The following MRAP2 variants were observed in gnomAD, a reference collection of about 807,000 sequenced individuals.
MRAP2 encodes the protein melanocortin-2 receptor accessory protein 2.
In MRAP2, 20 loss-of-function variants were observed where a neutral mutation model predicts 17.4. The observed-to-expected ratio is 1.15, with a 90% CI of 0.81 to 1.67. MRAP2 has a LOEUF of 1.67. Among genes scored for constraint, MRAP2 ranks in the 40% most tolerant of loss-of-function variants. MRAP2 has a pLI of 0.00. For synonymous variants in MRAP2, 96 were observed against 88.4 expected (o/e 1.09, Z -0.48); for missense variants, 238 against 240.0 (o/e 0.99, Z 0.05).
upstream of MRAP2, among the ~76,000 whole-genome samples, chr6:84,033,428 A>T (rs937384725): frequency 6.6e-6 from 1 of 152,152 alleles, no homozygotes; most frequent in African/African-American, 2.4e-5. Context: ...CTTGAACTCA[A>T]TGCTGCCGAT....
chr6:84,064,197 A>T (rs886279945), intron 3 of MRAP2, among the ~76,000 whole-genome samples: 1 of 151,084 alleles, frequency 6.6e-6, no homozygotes, highest in African/African-American at 2.4e-5. Context: ...GGGTGGGGCC[A>T]CAGCTGGAAC....
intron 3 of MRAP2, among the ~76,000 whole-genome samples, chr6:84,067,645 A>G (rs1401426415): frequency 6.7e-6 from 1 of 149,528 alleles, no homozygotes; most frequent in Non-Finnish European, 1.5e-5. Context: ...GATGTTAAGC[A>G]TTTTTTCATA....
At chr6:84,079,336 A>G (rs1211119418) in intron 3 of MRAP2, among the ~76,000 whole-genome samples, 1 of 152,226 alleles carries the variant, frequency 6.6e-6, no homozygotes, top group African/African-American at 2.4e-5. Context: ...TATAAATTTC[A>G]AGAACAGGCT....
At chr6:84,052,750 AT>A (rs2129163460) in intron 1 of MRAP2, 2 of 969,898 alleles carry the variant, frequency 2.1e-6, no homozygotes, top group African/African-American at 3.5e-5. Flanking sequence ...CTGGTGTCAC[AT>A]TTCATTCTGC....
the MRAP2 span, among the ~76,000 whole-genome samples, chr6:84,130,543 T>C: frequency 1.3e-5 from 2 of 152,206 alleles, no homozygotes; most frequent in African/African-American, 2.4e-5. Context: ...GAACTTGTTA[T>C]TGGTCTATTC....
chr6:84,112,596 C>A, the MRAP2 span, among the ~76,000 whole-genome samples: 3 of 151,998 alleles, frequency 2.0e-5, no homozygotes, highest in Admixed American at 6.6e-5. Flanking sequence ...TTTTATGTCT[C>A]TGTCTTCTTC....
the MRAP2 span, among the ~76,000 whole-genome samples, chr6:84,111,918 A>G: frequency 6.6e-6 from 1 of 152,082 alleles, no homozygotes; most frequent in Non-Finnish European, 1.5e-5. Context: ...ATTGATTTGC[A>G]TATGTTGAAT....
At chr6:84,130,171 G>A in the MRAP2 span, among the ~76,000 whole-genome samples, 3 of 152,136 alleles carry the variant, frequency 2.0e-5, no homozygotes, top group East Asian at 1.9e-4. Context: ...ATTGATTTGC[G>A]TATGGTGAAC....
At chr6:84,092,666 C>T (rs934426329), downstream of MRAP2, among the ~76,000 whole-genome samples, 6 of 151,930 alleles carry the variant, frequency 3.9e-5, no homozygotes, top group African/African-American at 1.5e-4. Flanking sequence ...GGTTCCAGGC[C>T]CCCTGTATAC....
Position 84,033,884 on chromosome 6 carries a change from G to C in MRAP2, c.-8+1G>C. The C allele has an allele frequency of 2.0e-6, 2 of 981,286 alleles. No individual in the cohort carries two copies. The highest frequency in any genetic ancestry group is 2.4e-6 in the Non-Finnish European group (2 of 830,008). 60.8% of individuals were successfully genotyped at this position (981,286 alleles called of 1,614,324 possible). ...CCCGCGGGCCGGGGCTAGCCAGCCG[G>C]TAACCACGGGCGGGACAGGGCGCCC... On this transcript the variant is annotated splice_donor_variant, in intron 1 of 3. Coordinates refer to ENST00000257776, the MANE Select transcript of MRAP2 (RefSeq NM_138409.4). LOFTEE classifies it low-confidence loss of function (5UTR_SPLICE).
In MRAP2 at chr6:84,059,064, G is replaced by C. The variant is rs145917294; in HGVS notation, c.127+3619G>C. Among the ~76,000 whole-genome samples, 848 of 152,292 alleles carry C rather than the reference G, an allele frequency of 5.6e-3. 10 individuals carry two copies. The highest frequency in any genetic ancestry group is 0.019 in the African/African-American group (791 of 41,564). ...TCATTTATGAAGAGTGTGGCTGGGT[G>C]AGACAGGGTGTTCTTAAAGCATCAG... On this transcript the variant is annotated intron_variant, in intron 2 of 3. Coordinates refer to ENST00000257776, the MANE Select transcript of MRAP2 (RefSeq NM_138409.4).
the MRAP2 span, among the ~76,000 whole-genome samples, chr6:84,100,997 T>G: frequency 6.6e-6 from 1 of 152,248 alleles, no homozygotes; most frequent in Non-Finnish European, 1.5e-5. Context: ...TTATTATTTC[T>G]ATTGACACTA....
chr6:84,133,875 CA>C, the MRAP2 span, among the ~76,000 whole-genome samples: 2 of 152,192 alleles, frequency 1.3e-5, no homozygotes, highest in African/African-American at 4.8e-5. Context: ...CACTGTCCAA[CA>C]AGCCCCAGTG....
intron 1 of MRAP2, among the ~76,000 whole-genome samples, chr6:84,055,069 CA>C (rs2099491350): frequency 6.6e-6 from 1 of 151,852 alleles, no homozygotes; most frequent in African/African-American, 2.4e-5. Context: ...GGGTTAAGTT[CA>C]AAAAAATATA....
the MRAP2 span, among the ~76,000 whole-genome samples, chr6:84,117,043 GAT>G: frequency 6.7e-6 from 1 of 148,854 alleles, no homozygotes; most frequent in Non-Finnish European, 1.5e-5. Flanking sequence ...TTTTTCATGA[GAT>G]AGAGTCTTGC....
intron 3 of MRAP2, among the ~76,000 whole-genome samples, chr6:84,088,170 T>C (rs1304958792): frequency 6.6e-6 from 1 of 152,210 alleles, no homozygotes; most frequent in Non-Finnish European, 1.5e-5. Flanking sequence ...GGTTCTGTTC[T>C]GGACTTGAAA....
chr6:84,033,765 A>G, upstream of MRAP2: 1 of 986,044 alleles, frequency 1.0e-6, no homozygotes, highest in Non-Finnish European at 1.2e-6. Flanking sequence ...CCTCGGATCT[A>G]GGAGCTACTC....
chr6:84,076,308 C>T (rs2099497596), intron 3 of MRAP2, among the ~76,000 whole-genome samples: 1 of 151,922 alleles, frequency 6.6e-6, no homozygotes, highest in Non-Finnish European at 1.5e-5. Flanking sequence ...ACTGCAACCT[C>T]CACCACCTGG....
At chr6:84,085,487 G>C (rs779617621) in intron 3 of MRAP2, among the ~76,000 whole-genome samples, 3 of 152,162 alleles carry the variant, frequency 2.0e-5, no homozygotes, top group Non-Finnish European at 4.4e-5. Context: ...GTTTAGACTG[G>C]TGTCTTACAC....
Sources: allele counts gnomAD v4.1 joint callset (sites outside exome capture counted in the v4.1 genomes callset), GRCh38; gene constraint gnomAD v4.1.1; transcripts MANE v1.5; gene names NCBI Gene and HGNC (gene_info 2026-07-23, HGNC 2026-07-21).